The following ABHD2 variants were observed in gnomAD, a reference collection of about 807,000 sequenced individuals.
ABHD2 encodes abhydrolase domain containing 2, acylglycerol lipase, also known as monoacylglycerol lipase ABHD2.
In ABHD2, 20 loss-of-function variants were observed where a neutral mutation model predicts 48.1. The ratio of observed to expected loss-of-function variants is 0.42; its 90% CI spans 0.29 to 0.60. The LOEUF (loss-of-function observed/expected upper bound fraction) is 0.60. Among genes scored for constraint, ABHD2 ranks in the 20% least tolerant of loss-of-function variants. The probability of loss-of-function intolerance (pLI) is 0.24; values close to 1 mark genes in which losing one functional copy is unlikely to be tolerated. For synonymous variants in ABHD2, 209 were observed against 214.2 expected (o/e 0.98, Z 0.21); for missense variants, 405 against 550.9 (o/e 0.74, Z 2.65).
intron 6 of ABHD2, among the ~76,000 whole-genome samples, chr15:89,180,513 G>C (rs1168104934): frequency 6.6e-6 from 1 of 152,168 alleles, no homozygotes; most frequent in Admixed American, 6.5e-5. Context: ...GTACAAACAT[G>C]GTTTTCTTCT....
the ABHD2 span, among the ~76,000 whole-genome samples, chr15:89,057,890 G>A: frequency 6.6e-6 from 1 of 152,106 alleles, no homozygotes; most frequent in East Asian, 1.9e-4. Context: ...ACTTTAGTTT[G>A]CCAGGTCTGA....
At chr15:89,129,568 T>C (rs1043391487) in intron 3 of ABHD2, among the ~76,000 whole-genome samples, 3 of 152,104 alleles carry the variant, frequency 2.0e-5, no homozygotes, top group Non-Finnish European at 4.4e-5. Flanking sequence ...TGAAGGTTTT[T>C]CCCCTAAGAT....
chr15:89,136,184 C>A lies in ABHD2; in HGVS notation c.195-15493C>A, dbSNP rs1306984965. 1.3e-5 allele frequency: 3 copies of A among 235,370 alleles called. No individual in the cohort carries two copies. In the East Asian group the frequency reaches 3.8e-4, roughly 30 times the overall value. 14.6% of individuals were successfully genotyped at this position (235,370 alleles called of 1,614,324 possible). On this transcript the variant is annotated intron_variant, in intron 3 of 10. Coordinates refer to ENST00000352732, the MANE Select transcript of ABHD2 (RefSeq NM_152924.5). ...CCTTAGGTGATCTACCCGCCTCAGCCTCCCAAAGTGCTGAGATTACAGGCG... is the reference window on the plus strand; with the variant it reads ...CCTTAGGTGATCTACCCGCCTCAGCATCCCAAAGTGCTGAGATTACAGGCG...
Position 89,195,514 on chromosome 15 carries a change from C to A in ABHD2, c.*91C>A. On this transcript the variant is annotated 3_prime_UTR_variant, in exon 11 of 11. Coordinates refer to ENST00000352732, the MANE Select transcript of ABHD2 (RefSeq NM_152924.5). This position sits in a 1 kb window ranked among gnomAD's most constrained non-coding sequence, Gnocchi z 5.1. ...TCAGGTCTCCCATCTCCCTCAGTGA[C>A]CTGGATCTGACCTCACACCATCAGC... The A allele has an allele frequency of 7.1e-7, 1 of 1,407,384 alleles. No homozygotes were observed. Among genetic ancestry groups the A allele is most frequent in the East Asian group, 2.5e-5 (1 of 40,636 alleles). 87.2% of individuals were successfully genotyped at this position (1,407,384 alleles called of 1,614,324 possible). A position where few individuals can be genotyped will look rare whatever the true frequency, so the allele number is the denominator to read the frequency against.
At position 89,100,293 on chromosome 15, in the gene ABHD2, T is replaced by C. The variant is rs1219844731; in HGVS notation, c.-107+11730T>C. On this transcript the variant is annotated intron_variant, in intron 1 of 10. Coordinates refer to ENST00000352732, the MANE Select transcript of ABHD2 (RefSeq NM_152924.5). The surrounding 1 kb of genome is among the most constrained non-coding windows in gnomAD (Gnocchi z 4.4). ...TCACATTGTGTTGTTAATTTTTTTT[T>C]TTTTTTTTAAGAGACAGGGTCTTAC... 1.3e-5 allele frequency among the ~76,000 whole-genome samples: 2 copies of C among 151,932 alleles called. No individual in the cohort carries two copies. The highest frequency in any genetic ancestry group is 2.9e-5 in the Non-Finnish European group (2 of 67,984).
intron 1 of ABHD2, among the ~76,000 whole-genome samples, chr15:89,107,905 T>C (rs2150798785): frequency 6.6e-6 from 1 of 152,326 alleles, no homozygotes; most frequent in Non-Finnish European, 1.5e-5. Context: ...CTCTGAGCTC[T>C]CTCACTTTGC....
At chr15:89,078,318 C>A in the ABHD2 span, among the ~76,000 whole-genome samples, 1,859 of 152,248 alleles carry the variant, frequency 0.012, 18 homozygotes, top group Non-Finnish European at 0.019. Flanking sequence ...AATATGGCTT[C>A]ATAATAAATC....
chr15:89,139,547 A>G (rs1041479213), intron 3 of ABHD2, among the ~76,000 whole-genome samples: 2 of 152,124 alleles, frequency 1.3e-5, no homozygotes, highest in Admixed American at 1.3e-4. Flanking sequence ...ATTTTATTAA[A>G]TCAATATATA....
rs1249471214 is a variant in ABHD2, at chr15:89,202,146, G to A, written c.*6723G>A. The A allele has an allele frequency of 5.8e-6, 1 of 171,564 alleles. No individual in the cohort carries two copies. The highest frequency in any genetic ancestry group is 1.2e-5 in the Non-Finnish European group (1 of 80,974). The allele number at this position is 171,564 out of a possible 1,614,324, so 10.6% of individuals were successfully genotyped here. A position where few individuals can be genotyped will look rare whatever the true frequency, so the allele number is the denominator to read the frequency against. On this transcript the variant is annotated 3_prime_UTR_variant, in exon 11 of 11. Coordinates refer to ENST00000352732, the MANE Select transcript of ABHD2 (RefSeq NM_152924.5). ...CTGAGGTGTTTAAGATTTGCAACTAGCAATGCAATTTTTTCTAAATATGGG... is the reference window on the plus strand; with the variant it reads ...CTGAGGTGTTTAAGATTTGCAACTAACAATGCAATTTTTTCTAAATATGGG...
At position 89,151,925 on chromosome 15, in the gene ABHD2, T is replaced by C; in HGVS notation, c.370+73T>C. 1.3e-6 allele frequency: 2 copies of C among 1,525,830 alleles called. No homozygotes were observed. The highest frequency in any genetic ancestry group is 1.9e-5 in the Admixed American group (1 of 51,952). The allele number at this position is 1,525,830 out of a possible 1,614,324, so 94.5% of individuals were successfully genotyped here. A position where few individuals can be genotyped will look rare whatever the true frequency, so the allele number is the denominator to read the frequency against. On this transcript the variant is annotated intron_variant, in intron 4 of 10. Coordinates refer to ENST00000352732, the MANE Select transcript of ABHD2 (RefSeq NM_152924.5). This position sits in a 1 kb window ranked among gnomAD's most constrained non-coding sequence, Gnocchi z 4.7. Reference sequence around the variant, plus strand: ...CACTAGTCAGTGGAGAGCACAGCAGTGTGAATACTTGTGCCACTGACTCTG... The same window carrying C: ...CACTAGTCAGTGGAGAGCACAGCAGCGTGAATACTTGTGCCACTGACTCTG...
the ABHD2 span, among the ~76,000 whole-genome samples, chr15:89,066,738 C>G: frequency 6.6e-6 from 1 of 152,264 alleles, no homozygotes; most frequent in South Asian, 2.1e-4. Flanking sequence ...AGCAAGATAC[C>G]TTTTCAGTGA....
the ABHD2 span, among the ~76,000 whole-genome samples, chr15:89,069,518 C>G: frequency 6.6e-6 from 1 of 151,966 alleles, no homozygotes; most frequent in East Asian, 1.9e-4. Flanking sequence ...AGTAACCACC[C>G]TTGTGAGTTT....
intron 3 of ABHD2, among the ~76,000 whole-genome samples, chr15:89,149,955 G>A (rs994611899): frequency 8.5e-5 from 13 of 152,256 alleles, no homozygotes; most frequent in South Asian, 2.1e-4. Context: ...CTTGGAGGCC[G>A]CTTGGGGGGC....
chr15:89,067,404 TG>T, the ABHD2 span, among the ~76,000 whole-genome samples: 2 of 152,318 alleles, frequency 1.3e-5, no homozygotes, highest in East Asian at 1.9e-4. Context: ...TCTAATAGCC[TG>T]GGAGTGCTAG....
the ABHD2 span, among the ~76,000 whole-genome samples, chr15:89,045,064 C>G: frequency 7.7e-3 from 1,179 of 152,234 alleles, 49 homozygotes; most frequent in Admixed American, 0.064. Context: ...TTTAATCCAC[C>G]TTGAATTGAT....
upstream of ABHD2, chr15:89,082,872 C>T (rs766467606): frequency 3.3e-5 from 5 of 152,226 alleles, no homozygotes; most frequent in African/African-American, 1.2e-4. This position sits in a 1 kb window ranked among gnomAD's most constrained non-coding sequence, Gnocchi z 4.4. Context: ...GAGACGGAGT[C>T]TCACTCTGTT....
At chr15:89,145,647 A>G (rs942774667) in intron 3 of ABHD2, among the ~76,000 whole-genome samples, 13 of 152,130 alleles carry the variant, frequency 8.5e-5, no homozygotes, top group African/African-American at 3.1e-4. Context: ...AGGGCATACA[A>G]ATTTCCCCTT....
At chr15:89,041,238 A>G in the ABHD2 span, 1 of 152,224 alleles carries the variant, frequency 6.6e-6, no homozygotes, top group Non-Finnish European at 1.5e-5. Context: ...AGCTGATGCC[A>G]TGTGGAACAG....
the ABHD2 span, among the ~76,000 whole-genome samples, chr15:89,081,487 C>T: frequency 6.6e-6 from 1 of 152,112 alleles, no homozygotes; most frequent in Admixed American, 6.5e-5. Context: ...AATGCCACGT[C>T]TGCATTGTGG....
Sources: allele counts gnomAD v4.1 joint callset (sites outside exome capture counted in the v4.1 genomes callset), GRCh38; gene constraint gnomAD v4.1.1; non-coding constraint Gnocchi (gnomAD v3.1); transcripts MANE v1.5; gene names NCBI Gene and HGNC (gene_info 2026-07-23, HGNC 2026-07-21).